Variants in FUCA1 observed in about 807,000 individuals in gnomAD.
FUCA1 encodes tissue alpha-L-fucosidase.
A neutral mutation model predicts 56.8 loss-of-function variants in FUCA1; 52 were observed. The ratio of observed to expected loss-of-function variants is 0.92; its 90% CI spans 0.73 to 1.15. The LOEUF (loss-of-function observed/expected upper bound fraction) is 1.15. Among genes scored for constraint, FUCA1 ranks in the 50% most tolerant of loss-of-function variants. The pLI, the probability that FUCA1 is intolerant of heterozygous loss-of-function variation, is 0.00. For missense variants in FUCA1, 568 were observed against 592.6 expected (o/e 0.96, Z 0.43); for synonymous variants, 230 against 226.6 (o/e 1.02, Z -0.14).
intron 4 of FUCA1, among the ~76,000 whole-genome samples, chr1:23,858,156 C>T (rs1429992508): frequency 6.6e-6 from 1 of 152,046 alleles, no homozygotes; most frequent in African/African-American, 2.4e-5. Flanking sequence ...GCTCTGCCTT[C>T]CAGGTTCACA....
In FUCA1 at chr1:23,845,370, A is replaced by C. The variant is rs1215461905; in HGVS notation, c.*345T>G. 7 of 357,872 alleles carry C rather than the reference A, an allele frequency of 2.0e-5. No individual in the cohort carries two copies. The highest frequency in any genetic ancestry group is 3.7e-5 in the Non-Finnish European group (7 of 186,768). 22.2% of individuals were successfully genotyped at this position (357,872 alleles called of 1,614,324 possible). A position where few individuals can be genotyped will look rare whatever the true frequency, so the allele number is the denominator to read the frequency against. On this transcript the variant is annotated 3_prime_UTR_variant, in exon 8 of 8. Coordinates refer to ENST00000374479, the MANE Select transcript of FUCA1 (RefSeq NM_000147.5). The stretch of plus-strand genomic sequence containing the variant: ...CCTTCCACCTCCTCCCATAGGCAAC[A>C]GGGTGACTTGGCTTAAAGGCATTGA...
At chr1:23,861,195 C>T (rs1042785712) in intron 3 of FUCA1, among the ~76,000 whole-genome samples, 9 of 151,432 alleles carry the variant, frequency 5.9e-5, no homozygotes, top group African/African-American at 4.8e-5. Context: ...TGGTGGCGGG[C>T]GCCTGTAGTC....
chr1:23,848,197 A>T (rs1639179716), intron 6 of FUCA1, among the ~76,000 whole-genome samples: 1 of 152,132 alleles, frequency 6.6e-6, no homozygotes, highest in Admixed American at 6.6e-5. Flanking sequence ...TTAATTGAAC[A>T]CTGAGTTTGT....
In FUCA1 at chr1:23,848,783, A is replaced by C. The variant is rs771696380; in HGVS notation, c.1026T>G (p.Thr342=). Residue 342 remains threonine (T), a synonymous_variant, in exon 6 of 8, where the codon ACT becomes ACG. Coordinates refer to ENST00000374479, the MANE Select transcript of FUCA1 (RefSeq NM_000147.5). ...AGATGGGAACAATCAGTCCATCTTTAGTTGGTCCAATGTTCAGAAGATAGT... is the reference window on the plus strand; with the variant it reads ...AGATGGGAACAATCAGTCCATCTTTCGTTGGTCCAATGTTCAGAAGATAGT... ...GGNYLLNIGP[T]KDGLIVPIFQ... The C allele has an allele frequency of 5.6e-5, 91 of 1,614,044 alleles. No homozygotes were observed. Among genetic ancestry groups the C allele is most frequent in the Admixed American group, 1.7e-4 (10 of 60,002 alleles).
At chr1:23,860,563 G>A (rs1412744810) in intron 3 of FUCA1, among the ~76,000 whole-genome samples, 4 of 141,536 alleles carry the variant, frequency 2.8e-5, no homozygotes, top group South Asian at 2.2e-4. Flanking sequence ...CAGCCTGGGC[G>A]ACGGAGTGAA....
chr1:23,859,022 T>G (rs982419440), intron 4 of FUCA1, among the ~76,000 whole-genome samples: 1 of 152,094 alleles, frequency 6.6e-6, no homozygotes, highest in Non-Finnish European at 1.5e-5. Flanking sequence ...ACTCAAGTCA[T>G]CTGCTTGCCT....
intron 2 of FUCA1, 39 bp from the exon 3 acceptor site, chr1:23,863,310 T>C (rs1421184306): frequency 5.6e-6 from 9 of 1,599,874 alleles, no homozygotes; most frequent in African/African-American, 1.3e-5. Context: ...TCATTAAGCA[T>C]AGAACAAATA....
At chr1:23,857,099 G>A (rs945695775) in intron 4 of FUCA1, among the ~76,000 whole-genome samples, 1 of 151,780 alleles carries the variant, frequency 6.6e-6, no homozygotes, top group African/African-American at 2.4e-5. Flanking sequence ...TCCCAATCCT[G>A]CATCTTTGGC....
At chr1:23,851,465 T>C (rs1022926931) in intron 5 of FUCA1, among the ~76,000 whole-genome samples, 1 of 152,222 alleles carries the variant, frequency 6.6e-6, no homozygotes, top group Non-Finnish European at 1.5e-5. Flanking sequence ...ACAACTTTCT[T>C]GTGTAACTCT....
In FUCA1 at chr1:23,868,255, G is replaced by C. The variant is rs780907796; in HGVS notation, c.32C>G (p.Ala11Gly). Residue 11 changes from alanine (A) to glycine (G), a missense_variant, in exon 1 of 8, where the codon GCG (alanine) becomes GGG (glycine). By Grantham distance (60) the Ala-to-Gly change is moderately conservative (BLOSUM62 0). Transcript: ENST00000374479. MRAPGMRSRP[A>G]GPALLLLLLF... is the part of the protein sequence containing the mutation. ...CAGCAGCAGCAACAGCGCGGGACCC[G>C]CCGGCCGCGACCTCATCCCCGGAGC... is the stretch of plus-strand genomic sequence containing the variant. The C allele has an allele frequency of 6.4e-7, 1 of 1,557,356 alleles. No individual in the cohort carries two copies. The highest frequency in any genetic ancestry group is 2.4e-5 in the East Asian group (1 of 41,584).
At position 23,868,007 on chromosome 1, in the gene FUCA1, G is replaced by C. The variant is rs199940255; in HGVS notation, c.280C>G (p.Arg94Gly). 1 of 1,606,218 alleles carries C rather than the reference G, an allele frequency of 6.2e-7. No individual in the cohort carries two copies. The highest frequency in any genetic ancestry group is 1.1e-5 in the South Asian group (1 of 90,134). The change falls in exon 1 of 8, where the codon CGC (arginine) becomes GGC (glycine). Residue 94 changes from arginine (R) to glycine (G), a missense_variant. Transcript: ENST00000374479. ...EGRPQYQRFMRDNYPPGFSYA... is the reference protein window; with the variant it reads ...EGRPQYQRFMGDNYPPGFSYA... Reference sequence around the variant, plus strand: ...CTGAAGCCGGGCGGGTAGTTGTCGCGCATGAAGCGCTGGTACTGCGGCCGC... The same window carrying C: ...CTGAAGCCGGGCGGGTAGTTGTCGCCCATGAAGCGCTGGTACTGCGGCCGC...
intron 5 of FUCA1, among the ~76,000 whole-genome samples, chr1:23,853,161 G>C (rs6679838): frequency 7.2e-6 from 1 of 139,744 alleles, no homozygotes; most frequent in Non-Finnish European, 1.6e-5. Context: ...GCCTCTGCCC[G>C]GCCGCGACCC....
In FUCA1 at chr1:23,845,880, A is replaced by G. The variant is rs750133509; in HGVS notation, c.1261-25T>C. The G allele has an allele frequency of 4.3e-6, 7 of 1,613,856 alleles. No individual in the cohort carries two copies. The Admixed American group carries it at 1.2e-4, about 27-fold the overall frequency. ...TCTGCAGAAAACAAAAGGGAATGAAACAAACTGGTAATGCACTAATGAGTA... is the reference window on the plus strand; with the variant it reads ...TCTGCAGAAAACAAAAGGGAATGAAGCAAACTGGTAATGCACTAATGAGTA... On this transcript the variant is annotated intron_variant, in intron 7 of 7. Coordinates refer to ENST00000374479, the MANE Select transcript of FUCA1 (RefSeq NM_000147.5).
intron 4 of FUCA1, 141 bp downstream of exon 4, chr1:23,859,657 A>G: frequency 1.5e-6 from 1 of 659,070 alleles, no homozygotes; most frequent in Admixed American, 2.2e-5. Context: ...TTTAACATCC[A>G]TTAAGTGTCC....
At position 23,846,192 on chromosome 1, in the gene FUCA1, C is replaced by T. The variant is rs779212890; in HGVS notation, c.1161-19G>A. 6 of 1,515,426 alleles carry T rather than the reference C, an allele frequency of 4.0e-6. No individual in the cohort carries two copies. Among genetic ancestry groups the T allele is most frequent in the Admixed American group, 3.3e-5 (2 of 59,810 alleles). 93.9% of individuals were successfully genotyped at this position (1,515,426 alleles called of 1,614,324 possible). ...GGTATACCTGGGAAAACAGAAACAACACTGTCAAAGATACCTGACTTGTTA... is the reference window on the plus strand; with the variant it reads ...GGTATACCTGGGAAAACAGAAACAATACTGTCAAAGATACCTGACTTGTTA... On this transcript the variant is annotated intron_variant, in intron 6 of 7. Transcript: ENST00000374479.
intron 3 of FUCA1, among the ~76,000 whole-genome samples, chr1:23,860,641 T>C: frequency 6.7e-6 from 1 of 149,042 alleles, no homozygotes; most frequent in Admixed American, 6.8e-5. Context: ...ATCTTTTCCT[T>C]TCTTCCTTTT....
At chr1:23,860,206 T>C (rs527852065) in intron 3 of FUCA1, among the ~76,000 whole-genome samples, 7 of 152,284 alleles carry the variant, frequency 4.6e-5, no homozygotes, top group Non-Finnish European at 7.4e-5. Flanking sequence ...GTATGTGGCA[T>C]AAAAATTATC....
At chr1:23,854,745 C>G (rs180775731) in intron 4 of FUCA1, among the ~76,000 whole-genome samples, 185 bp from the exon 5 acceptor site, 1 of 152,052 alleles carries the variant, frequency 6.6e-6, no homozygotes, top group African/African-American at 2.4e-5. Flanking sequence ...ATTGTCACAA[C>G]GGGGGTGGTA....
chr1:23,845,873 G>A lies in FUCA1; in HGVS notation c.1261-18C>T, dbSNP rs1639128770. On this transcript the variant is annotated intron_variant, in intron 7 of 7. Coordinates refer to ENST00000374479, the MANE Select transcript of FUCA1 (RefSeq NM_000147.5). ...ATTGTTATCTGCAGAAAACAAAAGG[G>A]AATGAAACAAACTGGTAATGCACTA... is the stretch of plus-strand genomic sequence containing the variant. 1.2e-6 allele frequency: 2 copies of A among 1,613,880 alleles called. No homozygotes were observed. The highest frequency in any genetic ancestry group is 1.7e-6 in the Non-Finnish European group (2 of 1,179,916).
Sources: gnomAD v4.1 joint callset for allele counts (sites outside exome capture counted in the v4.1 genomes callset) on GRCh38, gnomAD v4.1.1 for gene constraint, MANE v1.5 for transcripts, NCBI Gene and HGNC (gene_info 2026-07-23, HGNC 2026-07-21) for gene names.